The following HSPA1L variants were observed in gnomAD, a reference collection of about 807,000 sequenced individuals.
The protein encoded by HSPA1L is heat shock 70 kDa protein 1-like.
Under a neutral mutation model 31.5 loss-of-function variants are expected in HSPA1L, and 21 were observed. The ratio of observed to expected loss-of-function variants is 0.67; its 90% CI spans 0.47 to 0.96. The LOEUF is 0.96. Ranked by LOEUF, HSPA1L falls within the 40% of genes least tolerant of loss-of-function variation. HSPA1L has a pLI of 0.00. For synonymous variants in HSPA1L, 293 were observed against 323.1 expected (o/e 0.91, Z 1.00); for missense variants, 709 against 813.4 (o/e 0.87, Z 1.56).
Position 31,811,917 on chromosome 6 carries a change from C to T in HSPA1L, c.56G>A (p.Cys19Tyr). Reference sequence around the variant, plus strand: ...CTTGCCGTGCTGGAACACCCCCACACAGGAGTAGGTGGTGCCCAGGTCGAT... The same window carrying T: ...CTTGCCGTGCTGGAACACCCCCACATAGGAGTAGGTGGTGCCCAGGTCGAT... ...IGIDLGTTYS[C>Y]VGVFQHGKVE... The change falls in exon 2 of 2, where the codon TGT becomes TAT. Residue 19 changes from cysteine (C) to tyrosine (Y), a missense_variant. Transcript: ENST00000375654. The T allele has an allele frequency of 6.2e-7, 1 of 1,614,226 alleles. No homozygotes were observed. Among genetic ancestry groups the T allele is most frequent in the East Asian group, 2.2e-5 (1 of 44,894 alleles).
chr6:31,810,105 C>A lies in HSPA1L; in HGVS notation c.1868G>T (p.Gly623Val). 2 of 1,486,652 alleles carry A rather than the reference C, an allele frequency of 1.3e-6. No homozygotes were observed. The highest frequency in any genetic ancestry group is 1.8e-6 in the Non-Finnish European group (2 of 1,122,726). The allele number at this position is 1,486,652 out of a possible 1,614,324, so 92.1% of individuals were successfully genotyped here. ...YQGGCTGPAC[G>V]TGYVPGRPAT... ...AGGCCTTCCAGGCACATACCCTGTT[C>A]CGCAGGCAGGCCCAGTGCATCCTCC... The change falls in exon 2 of 2, where the codon GGA (glycine) becomes GTA (valine). Residue 623 changes from glycine to valine, a missense_variant. Gly to Val is a moderately radical substitution (Grantham distance 109). Coordinates refer to ENST00000375654, the MANE Select transcript of HSPA1L (RefSeq NM_005527.4).
In HSPA1L at chr6:31,810,821, C is replaced by T. The variant is rs1815356976; in HGVS notation, c.1152G>A (p.Gly384=). The T allele has an allele frequency of 3.1e-6, 5 of 1,614,142 alleles. No individual in the cohort carries two copies. The highest frequency in any genetic ancestry group is 3.4e-6 in the Non-Finnish European group (4 of 1,180,026). The change falls in exon 2 of 2, where the codon GGG becomes GGA. Residue 384 remains glycine, a synonymous_variant. Transcript: ENST00000375654. ...GAAVQAAILM[G]DKSEKVQDLL... is the part of the protein sequence containing the mutation. ...GGTCCTGTACCTTCTCAGACTTGTC[C>T]CCCATCAGGATGGCTGCTTGTACCG...
At chr6:31,814,237 G>C (rs992720792) in intron 1 of HSPA1L, among the ~76,000 whole-genome samples, 1 of 152,068 alleles carries the variant, frequency 6.6e-6, no homozygotes, top group Non-Finnish European at 1.5e-5. Flanking sequence ...TGGCTAACAC[G>C]GTGAAACCTC....
At position 31,810,324 on chromosome 6, in the gene HSPA1L, T is replaced by C. The variant is rs111462391; in HGVS notation, c.1649A>G (p.Asn550Ser). The C allele has an allele frequency of 1.3e-6, 2 of 1,592,388 alleles. No homozygotes were observed. Among genetic ancestry groups the C allele is most frequent in the East Asian group, 4.5e-5 (2 of 44,820 alleles). The change falls in exon 2 of 2, where the codon AAC becomes AGC. Residue 550 changes from asparagine to serine, a missense_variant. Transcript: ENST00000375654. ...AKNALESYAF[N>S]MKSVVSDEGL... ...TTCATCACTCACAACACTCTTCATG[T>C]TAAAAGCATAGGATTCTAAGGCATT... is the stretch of plus-strand genomic sequence containing the variant.
chr6:31,813,540 A>G (rs1163367380), intron 1 of HSPA1L, among the ~76,000 whole-genome samples: 2 of 152,004 alleles, frequency 1.3e-5, no homozygotes, highest in African/African-American at 2.4e-5. Flanking sequence ...CCTAACCTTA[A>G]GTGATCCGCC....
At chr6:31,812,091 C>T in intron 1 of HSPA1L, 106 bp from the exon 2 acceptor site, 1 of 1,365,608 alleles carries the variant, frequency 7.3e-7, no homozygotes, top group South Asian at 1.5e-5. Flanking sequence ...TGCAGAGGCG[C>T]AGTCATAGCT....
chr6:31,813,032 C>G (rs1215464341), intron 1 of HSPA1L, among the ~76,000 whole-genome samples: 2 of 152,122 alleles, frequency 1.3e-5, no homozygotes, highest in African/African-American at 4.8e-5. Context: ...GTTGCCCAAG[C>G]TAGTTTCTCA....
Position 31,811,372 on chromosome 6 carries a change from C to T in HSPA1L, c.601G>A (p.Asp201Asn). Residue 201 changes from aspartate (D) to asparagine (N), a missense_variant, in exon 2 of 2, where the codon GAT becomes AAT. Asp to Asn is a conservative substitution (Grantham distance 23). Transcript: ENST00000375654. ...GQGERHVLIF[D>N]LGGGTFDVSI... is the part of the protein sequence containing the mutation. ...ACATCAAATGTGCCTCCACCCAGAT[C>T]AAAAATCAGGACATGTCGTTCTCCT... is the stretch of plus-strand genomic sequence containing the variant. The T allele has an allele frequency of 1.2e-6, 2 of 1,614,170 alleles. No individual in the cohort carries two copies. The highest frequency in any genetic ancestry group is 1.7e-6 in the Non-Finnish European group (2 of 1,180,040).
Position 31,810,413 on chromosome 6 carries a change from C to G in HSPA1L, c.1560G>C (p.Met520Ile). Residue 520 changes from methionine (M) to isoleucine (I), a missense_variant, in exon 2 of 2, where the codon ATG (methionine) becomes ATC (isoleucine). Met to Ile is a conservative substitution (Grantham distance 10, BLOSUM62 1). Transcript: ENST00000375654. ...CTTTATATTTCTCAGCATCCAGAACCATGCGCTCAATCTCCTCCTTGCTCA... is the reference window on the plus strand; with the variant it reads ...CTTTATATTTCTCAGCATCCAGAACGATGCGCTCAATCTCCTCCTTGCTCA... ...GRLSKEEIER[M>I]VLDAEKYKAE... 2.5e-6 allele frequency: 4 copies of G among 1,613,844 alleles called. No individual in the cohort carries two copies. Among genetic ancestry groups the G allele is most frequent in the Non-Finnish European group, 3.4e-6 (4 of 1,179,916 alleles).
Position 31,811,988 on chromosome 6 carries a change from A to G in HSPA1L, c.-13-3T>C. ...CAGTAGCCATGGTTCTCTGAGGCCT[A>G]TGGAGAAAGAATAAGATACTGTTTT... On this transcript the variant is annotated splice_region_variant and splice_polypyrimidine_tract_variant and intron_variant, in intron 1 of 1. Transcript: ENST00000375654. 4 of 1,612,708 alleles carry G rather than the reference A, an allele frequency of 2.5e-6. No homozygotes were observed. Among genetic ancestry groups the G allele is most frequent in the Non-Finnish European group, 3.4e-6 (4 of 1,179,208 alleles).
chr6:31,811,861 G>C lies in HSPA1L; in HGVS notation c.112C>G (p.Arg38Gly), dbSNP rs530017660. The change falls in exon 2 of 2, where the codon CGC (arginine) becomes GGC (glycine). Residue 38 changes from arginine to glycine, a missense_variant. By Grantham distance (125) the Arg-to-Gly change is moderately radical. Coordinates refer to ENST00000375654, the MANE Select transcript of HSPA1L (RefSeq NM_005527.4). ...AAGGCCACGTAGCTGGGGGTGGTGC[G>C]GTTGCCCTGGTCGTTGGCGATGATC... is the stretch of plus-strand genomic sequence containing the variant. ...VEIIANDQGN[R>G]TTPSYVAFTD... The C allele has an allele frequency of 1.1e-5, 18 of 1,614,114 alleles. No homozygotes were observed. The South Asian group carries it at 1.8e-4, about 16-fold the overall frequency.
rs1222171982 is a variant in HSPA1L, at chr6:31,811,576, C to T, written c.397G>A (p.Ala133Thr). The T allele has an allele frequency of 1.4e-5, 22 of 1,614,086 alleles. No individual in the cohort carries two copies. Among genetic ancestry groups the T allele is most frequent in the Non-Finnish European group, 1.9e-5 (22 of 1,180,036 alleles). The change falls in exon 2 of 2, where the codon GCT (alanine) becomes ACT (threonine). Residue 133 changes from alanine to threonine, a missense_variant. Coordinates refer to ENST00000375654, the MANE Select transcript of HSPA1L (RefSeq NM_005527.4). ...ACAGGGTGGCCCAAAAAGGCCTCAGCAGTCTCCTTCAACTTAGTCAATACC... is the reference window on the plus strand; with the variant it reads ...ACAGGGTGGCCCAAAAAGGCCTCAGTAGTCTCCTTCAACTTAGTCAATACC... The part of the protein sequence containing the change: ...SMVLTKLKET[A>T]EAFLGHPVTN...
chr6:31,814,498 G>C (rs1354235278), intron 1 of HSPA1L, among the ~76,000 whole-genome samples: 1 of 137,150 alleles, frequency 7.3e-6, no homozygotes, highest in African/African-American at 2.9e-5. Flanking sequence ...GACAGAGCGA[G>C]ACTCCGTCTC....
Position 31,811,422 on chromosome 6 carries a change from G to T in HSPA1L, c.551C>A (p.Ala184Asp). The part of the protein sequence containing the change: ...IINEPTAAAI[A>D]YGLDKGGQGE... The stretch of plus-strand genomic sequence containing the variant: ...TTGACCTCCTTTATCTAAACCATAG[G>T]CAATGGCAGCAGCCGTGGGCTCATT... The change falls in exon 2 of 2, where the codon GCC becomes GAC. Residue 184 changes from alanine to aspartate, a missense_variant. Coordinates refer to ENST00000375654, the MANE Select transcript of HSPA1L (RefSeq NM_005527.4). 6.2e-7 allele frequency: 1 copy of T among 1,614,106 alleles called. No individual in the cohort carries two copies. The highest frequency in any genetic ancestry group is 8.5e-7 in the Non-Finnish European group (1 of 1,180,032).
chr6:31,811,298 A>G lies in HSPA1L; in HGVS notation c.675T>C (p.Ala225=), dbSNP rs1407354112. The G allele has an allele frequency of 6.2e-7, 1 of 1,614,138 alleles. No individual in the cohort carries two copies. The highest frequency in any genetic ancestry group is 8.5e-7 in the Non-Finnish European group (1 of 1,180,030). Residue 225 remains alanine (A), a synonymous_variant, in exon 2 of 2, where the codon GCT becomes GCC. Transcript: ENST00000375654. ...DDGIFEVKAT[A]GDTHLGGEDF... ...CCTCCCCACCCAGGTGAGTGTCCCC[A>G]GCAGTGGCCTTTACCTCAAAAATCC... is the stretch of plus-strand genomic sequence containing the variant.
chr6:31,812,824 T>C (rs535401555), intron 1 of HSPA1L, among the ~76,000 whole-genome samples: 1 of 152,222 alleles, frequency 6.6e-6, no homozygotes, highest in Admixed American at 6.6e-5. Flanking sequence ...CAACCATTTT[T>C]TTTTCTCATT....
rs764922859 is a variant in HSPA1L at position 31,811,419 on chromosome 6, T to C, written c.554A>G (p.Tyr185Cys). 5.6e-6 allele frequency: 9 copies of C among 1,614,018 alleles called. No individual in the cohort carries two copies. The highest frequency in any genetic ancestry group is 2.2e-5 in the East Asian group (1 of 44,888). Residue 185 changes from tyrosine to cysteine, a missense_variant, in exon 2 of 2, where the codon TAT becomes TGT. By Grantham distance (194) the Tyr-to-Cys change is radical. Coordinates refer to ENST00000375654, the MANE Select transcript of HSPA1L (RefSeq NM_005527.4). ...INEPTAAAIA[Y>C]GLDKGGQGER... ...TCCTTGACCTCCTTTATCTAAACCA[T>C]AGGCAATGGCAGCAGCCGTGGGCTC...
Position 31,810,373 on chromosome 6 carries a change from G to C in HSPA1L, c.1600C>G (p.Gln534Glu). 6.2e-7 allele frequency: 1 copy of C among 1,610,936 alleles called. No individual in the cohort carries two copies. The highest frequency in any genetic ancestry group is 1.1e-5 in the South Asian group (1 of 90,570). ...TTCTTTGCAGCAATTTTCTCCCTCT[G>C]GACCTCATCTTCAGCTTTATATTTC... ...AEKYKAEDEV[Q>E]REKIAAKNAL... is the part of the protein sequence containing the mutation. The change falls in exon 2 of 2, where the codon CAG becomes GAG. Residue 534 changes from glutamine to glutamate, a missense_variant. Coordinates refer to ENST00000375654, the MANE Select transcript of HSPA1L (RefSeq NM_005527.4).
intron 1 of HSPA1L, 142 bp from the exon 2 acceptor site, chr6:31,812,127 C>T: frequency 9.1e-7 from 1 of 1,096,022 alleles, no homozygotes; most frequent in Non-Finnish European, 1.3e-6. Context: ...CTCCTAGGCT[C>T]CAGCAATCTT....
Sources: allele counts gnomAD v4.1 joint callset (sites outside exome capture counted in the v4.1 genomes callset), GRCh38; gene constraint gnomAD v4.1.1; transcripts MANE v1.5; gene names NCBI Gene and HGNC (gene_info 2026-07-23, HGNC 2026-07-21).